The following FIG4 variants were observed in gnomAD, a reference collection of about 807,000 sequenced individuals.
The protein encoded by FIG4 is FIG4 phosphoinositide 5-phosphatase.
FIG4 carries 112 observed loss-of-function variants against 118.6 expected under a neutral mutation model. The ratio of observed to expected loss-of-function variants is 0.94; its 90% CI spans 0.81 to 1.11. The LOEUF (loss-of-function observed/expected upper bound fraction) is 1.11. Ranked by LOEUF, FIG4 falls within the 50% of genes least tolerant of loss-of-function variation. The probability of loss-of-function intolerance (pLI) is 0.00; values close to 1 mark genes in which losing one functional copy is unlikely to be tolerated. For missense variants in FIG4, 969 were observed against 1,111.7 expected (o/e 0.87, Z 1.83); for synonymous variants, 369 against 381.2 (o/e 0.97, Z 0.37).
At chr6:109,720,440 T>C (rs1398612327) in intron 3 of FIG4, among the ~76,000 whole-genome samples, 1 of 152,264 alleles carries the variant, frequency 6.6e-6, no homozygotes, top group Non-Finnish European at 1.5e-5. Context: ...TTTGGTGGAA[T>C]GTTTTGGATT....
At chr6:109,798,639 G>A (rs1041624089) in intron 22 of FIG4, among the ~76,000 whole-genome samples, 4 of 152,276 alleles carry the variant, frequency 2.6e-5, no homozygotes, top group Admixed American at 2.6e-4. Flanking sequence ...GTCTGCAGCT[G>A]ATCTTGGCAG....
chr6:109,770,399 T>A (rs1459741498), intron 15 of FIG4, among the ~76,000 whole-genome samples: 1 of 152,188 alleles, frequency 6.6e-6, no homozygotes, highest in African/African-American at 2.4e-5. Context: ...CCCACATGCG[T>A]GTGCATAATT....
In FIG4 at chr6:109,743,743, T is replaced by C; in HGVS notation, c.1108T>C (p.Ser370Pro). 1 of 1,612,674 alleles carries C rather than the reference T, an allele frequency of 6.2e-7. No individual in the cohort carries two copies. The highest frequency in any genetic ancestry group is 1.3e-5 in the African/African-American group (1 of 74,976). Residue 370 changes from serine (S) to proline (P), a missense_variant, in exon 10 of 23, where the codon TCT becomes CCT. Ser to Pro is a moderately conservative substitution (Grantham distance 74). Transcript: ENST00000230124. ...HFDQMFQRFG[S>P]PIIILNLVKE... ...TGACCAGATGTTCCAGAGGTTTGGC[T>C]CTCCCATCATCATCTTGAATTTAGT...
At chr6:109,790,836 A>G (rs1263307793) in intron 19 of FIG4, among the ~76,000 whole-genome samples, 1 of 152,192 alleles carries the variant, frequency 6.6e-6, no homozygotes, top group Non-Finnish European at 1.5e-5. Context: ...CTACTATTAA[A>G]GGGAATGTTC....
At chr6:109,718,920 AT>A (rs35555849) in intron 3 of FIG4, among the ~76,000 whole-genome samples, 33,532 of 143,102 alleles carry the variant, frequency 0.23, 3,649 homozygotes, top group Middle Eastern at 0.32. Context: ...ACCTTATTAC[AT>A]TTTTTTTTTT....
intron 16 of FIG4, among the ~76,000 whole-genome samples, chr6:109,782,956 C>G (rs1777848863): frequency 6.6e-6 from 1 of 152,222 alleles, no homozygotes; most frequent in African/African-American, 2.4e-5. Context: ...TGGAATCTGT[C>G]ACCCTCTCAC....
intron 22 of FIG4, among the ~76,000 whole-genome samples, chr6:109,815,495 G>GCCCCCCCCCCC (rs112617514): frequency 5.9e-4 from 53 of 89,240 alleles, no homozygotes; most frequent in African/African-American, 7.2e-4. Context: ...ACTCCAGGCT[G>GCCCCCCCCCCC]CCCCCCCCAC....
At chr6:109,747,287 A>G (rs908966410) in intron 10 of FIG4, among the ~76,000 whole-genome samples, 1 of 152,072 alleles carries the variant, frequency 6.6e-6, no homozygotes, top group Non-Finnish European at 1.5e-5. Flanking sequence ...TAAAGTGAGA[A>G]GGAAAAACCT....
chr6:109,702,929 G>A (rs1049198665), intron 1 of FIG4, among the ~76,000 whole-genome samples: 1 of 152,124 alleles, frequency 6.6e-6, no homozygotes. Context: ...CCCAAGGCCT[G>A]CACTACAGCC....
chr6:109,815,233 A>C (rs1298118912), intron 22 of FIG4, among the ~76,000 whole-genome samples: 1 of 151,816 alleles, frequency 6.6e-6, no homozygotes, highest in African/African-American at 2.4e-5. Flanking sequence ...CCCAGACATG[A>C]ACGCCCTTCC....
chr6:109,795,095 G>GTTGTTTTTTTT (rs1778241142), intron 21 of FIG4, among the ~76,000 whole-genome samples: 1 of 57,194 alleles, frequency 1.7e-5, no homozygotes, highest in African/African-American at 5.8e-5. Context: ...ACACTTGCCA[G>GTTGTTTTTTTT]TTTTTTTTTT....
chr6:109,732,634 T>TTA lies in FIG4; in HGVS notation c.447-3_447-2insTA. ...GAAATGTACTTTGTTTTTTTTTTTT[T>TTA]AGGTATCTACGAATATTTCAAAATG... On this transcript the variant is annotated splice_region_variant and splice_polypyrimidine_tract_variant and intron_variant, in intron 4 of 22. Coordinates refer to ENST00000230124, the MANE Select transcript of FIG4 (RefSeq NM_014845.6). The TTA allele has an allele frequency of 2.1e-6, 3 of 1,397,334 alleles. No homozygotes were observed. The South Asian group carries it at 3.5e-5, about 16-fold the overall frequency. The allele number at this position is 1,397,334 out of a possible 1,614,324, so 86.6% of individuals were successfully genotyped here.
intron 3 of FIG4, among the ~76,000 whole-genome samples, chr6:109,724,277 C>G (rs140515854): frequency 3.3e-5 from 5 of 152,260 alleles, no homozygotes; most frequent in South Asian, 2.1e-4. Context: ...TCCTCTCCCC[C>G]CTGGGATTCC....
intron 16 of FIG4, among the ~76,000 whole-genome samples, chr6:109,780,108 T>G (rs1777753837): frequency 6.6e-6 from 1 of 152,200 alleles, no homozygotes; most frequent in Non-Finnish European, 1.5e-5. Context: ...TTCCACATCA[T>G]TAAAACAGAG....
intron 21 of FIG4, 72 bp downstream of exon 21, chr6:109,792,736 CTTTTTT>C (rs34998755): frequency 1.0e-3 from 429 of 429,542 alleles, no homozygotes; most frequent in East Asian, 1.6e-3. Flanking sequence ...ACTACTATAC[CTTTTTT>C]TTTTTTTTTT....
At chr6:109,813,500 C>A (rs1039253575) in intron 22 of FIG4, among the ~76,000 whole-genome samples, 1 of 152,198 alleles carries the variant, frequency 6.6e-6, no homozygotes, top group Admixed American at 6.5e-5. Context: ...CACTTCTCCA[C>A]TCTTCCTTGA....
At chr6:109,809,466 T>C (rs986640602) in intron 22 of FIG4, among the ~76,000 whole-genome samples, 4 of 152,228 alleles carry the variant, frequency 2.6e-5, no homozygotes, top group South Asian at 2.1e-4. Context: ...TCACTAGATA[T>C]AACCCATATT....
At chr6:109,767,336 A>C (rs1777310013) in intron 15 of FIG4, among the ~76,000 whole-genome samples, 1 of 152,206 alleles carries the variant, frequency 6.6e-6, no homozygotes, top group South Asian at 2.1e-4. Flanking sequence ...ATACTCATTA[A>C]ATTCTACTGT....
At chr6:109,710,980 C>T (rs1775242233) in intron 1 of FIG4, among the ~76,000 whole-genome samples, 1 of 151,060 alleles carries the variant, frequency 6.6e-6, no homozygotes, top group African/African-American at 2.4e-5. Flanking sequence ...TCCTTCAGTT[C>T]AGCTCTGATG....
Sources: allele counts gnomAD v4.1 joint callset (sites outside exome capture counted in the v4.1 genomes callset), GRCh38; gene constraint gnomAD v4.1.1; transcripts MANE v1.5; gene names NCBI Gene and HGNC (gene_info 2026-07-23, HGNC 2026-07-21).